Variants in ZNF407 observed in about 807,000 individuals in gnomAD.
ZNF407 encodes the protein zinc finger protein 407.
Under a neutral mutation model 131.2 loss-of-function variants are expected in ZNF407, and 17 were observed. The observed-to-expected ratio is 0.13, with a 90% CI of 0.09 to 0.19. The LOEUF is 0.19. ZNF407 is among the 10% of genes least tolerant of loss of function. The probability of loss-of-function intolerance (pLI) is 1.00; values close to 1 mark genes in which losing one functional copy is unlikely to be tolerated. For synonymous variants in ZNF407, 1,156 were observed against 1,062.0 expected (o/e 1.09, Z -1.72); for missense variants, 2,681 against 2,830.6 (o/e 0.95, Z 1.20).
chr18:74,944,880 A>G (rs180906129), intron 8 of ZNF407, among the ~76,000 whole-genome samples: 5 of 152,360 alleles, frequency 3.3e-5, no homozygotes, highest in African/African-American at 1.2e-4. Flanking sequence ...CTCAGGGCCC[A>G]GAATCATGCA....
chr18:74,616,173 C>T (rs1156609532), intron 1 of ZNF407, among the ~76,000 whole-genome samples: 5 of 152,160 alleles, frequency 3.3e-5, no homozygotes, highest in Non-Finnish European at 5.9e-5. Context: ...TTCTTTCATA[C>T]GTGACATTCT....
intron 5 of ZNF407, among the ~76,000 whole-genome samples, chr18:74,877,751 C>T (rs1021320757): frequency 2.0e-5 from 3 of 152,040 alleles, no homozygotes; most frequent in African/African-American, 4.8e-5. Flanking sequence ...CTGATATAAA[C>T]GAATTTCCAT....
intron 3 of ZNF407, among the ~76,000 whole-genome samples, chr18:74,679,959 G>A (rs142028805): frequency 5.1e-4 from 78 of 152,284 alleles, no homozygotes; most frequent in Middle Eastern, 3.4e-3. Flanking sequence ...AGATGGACCC[G>A]TTATTATGAA....
rs756393806 is a variant in ZNF407 at position 75,064,019 on chromosome 18, G to T, written c.6298G>T (p.Asp2100Tyr). Reference sequence around the variant, plus strand: ...GGCCGCGGCCGGCCAGTTGGTCAAGGACGGTGTCACCCAGGTGGTGGTGAG... The same window carrying T: ...GGCCGCGGCCGGCCAGTTGGTCAAGTACGGTGTCACCCAGGTGGTGGTGAG... Reference protein sequence around the residue: ...DTAAAGQLVKDGVTQVVVSEE... With the variant: ...DTAAAGQLVKYGVTQVVVSEE... Residue 2100 changes from aspartate to tyrosine, a missense_variant, in exon 9 of 9, where the codon GAC (aspartate) becomes TAC (tyrosine). By Grantham distance (160) the Asp-to-Tyr change is radical. This residue lies in a region of ZNF407 where 620 missense variants were observed against 583.1 expected (regional missense o/e 1.06). Transcript: ENST00000299687. 4 of 1,606,632 alleles carry T rather than the reference G, an allele frequency of 2.5e-6. No individual in the cohort carries two copies. Among genetic ancestry groups the T allele is most frequent in the East Asian group, 2.2e-5 (1 of 44,466 alleles).
At chr18:74,618,380 A>C (rs1187098859) in intron 1 of ZNF407, among the ~76,000 whole-genome samples, 2 of 151,926 alleles carry the variant, frequency 1.3e-5, no homozygotes, top group African/African-American at 2.4e-5. Flanking sequence ...CTTCCCAGTC[A>C]CCCATTCTTG....
At chr18:74,808,305 C>A (rs894884136) in intron 4 of ZNF407, among the ~76,000 whole-genome samples, 1 of 152,164 alleles carries the variant, frequency 6.6e-6, no homozygotes, top group Non-Finnish European at 1.5e-5. Flanking sequence ...TGAGCCACCA[C>A]GCCCGGCCAG....
At chr18:74,798,023 T>C (rs943830546) in intron 4 of ZNF407, among the ~76,000 whole-genome samples, 29 of 152,116 alleles carry the variant, frequency 1.9e-4, no homozygotes, top group Non-Finnish European at 5.9e-5. Context: ...TCACTAATGC[T>C]GGGGAAAGGC....
intron 4 of ZNF407, among the ~76,000 whole-genome samples, chr18:74,813,686 T>TC (rs771765129): frequency 7.2e-5 from 11 of 152,176 alleles, no homozygotes; most frequent in Non-Finnish European, 1.3e-4. Context: ...TGGCATCTGT[T>TC]CATAGCTTAG....
At chr18:74,688,094 C>T (rs994830428) in intron 3 of ZNF407, among the ~76,000 whole-genome samples, 1 of 152,088 alleles carries the variant, frequency 6.6e-6, no homozygotes, top group African/African-American at 2.4e-5. Flanking sequence ...CACTTTGTTT[C>T]TCTATGGAAT....
chr18:74,736,852 T>C (rs1968426713), intron 3 of ZNF407, among the ~76,000 whole-genome samples: 1 of 152,228 alleles, frequency 6.6e-6, no homozygotes, highest in African/African-American at 2.4e-5. Context: ...ATGGGTCCTA[T>C]TAGCTGTCAT....
intron 3 of ZNF407, among the ~76,000 whole-genome samples, chr18:74,721,854 A>G (rs1421863489): frequency 6.6e-6 from 1 of 152,040 alleles, no homozygotes; most frequent in South Asian, 2.1e-4. Context: ...GTATGTCTTT[A>G]CTTCCCCTTT....
At chr18:74,939,638 G>A (rs1443690293) in intron 8 of ZNF407, among the ~76,000 whole-genome samples, 1 of 152,194 alleles carries the variant, frequency 6.6e-6, no homozygotes, top group Non-Finnish European at 1.5e-5. Flanking sequence ...AATCTAAAAG[G>A]TTGACGGTAC....
Position 75,013,681 on chromosome 18 carries a change from G to A in ZNF407, c.5429-49469G>A, listed in dbSNP as rs540535489. On this transcript the variant is annotated intron_variant, in intron 8 of 8. Transcript: ENST00000299687. ...CAGAGTACAAAGGCAGCAAAGTTAC[G>A]TATACCACCAGCCTGCTTGTGCCCG... is the stretch of plus-strand genomic sequence containing the variant. 3.3e-5 allele frequency among the ~76,000 whole-genome samples: 5 copies of A among 152,134 alleles called. No individual in the cohort carries two copies. In the East Asian group the frequency reaches 5.8e-4, roughly 18 times the overall value.
intron 4 of ZNF407, among the ~76,000 whole-genome samples, chr18:74,800,199 T>A (rs747967904): frequency 7.9e-5 from 12 of 152,060 alleles, no homozygotes; most frequent in Non-Finnish European, 1.5e-4. Flanking sequence ...AAAGATAGAC[T>A]TACTTAAATT....
rs77148611 is a variant in ZNF407 at position 74,632,096 on chromosome 18, A to G, written c.1077A>G (p.Val359=). ...CCAGAAATACTTTGTCACAGGAAGTAGAGATTGTTGAAGAACATGTTACTT... is the reference window on the plus strand; with the variant it reads ...CCAGAAATACTTTGTCACAGGAAGTGGAGATTGTTGAAGAACATGTTACTT... ...MPSRNTLSQE[V]EIVEEHVTSL... The change falls in exon 2 of 9, where the codon GTA becomes GTG. Residue 359 remains valine, a synonymous_variant. Transcript: ENST00000299687. 0.013 allele frequency: 21,062 copies of G among 1,613,976 alleles called. 195 individuals are homozygous for G. The highest frequency in any genetic ancestry group is 0.016 in the Non-Finnish European group (18,394 of 1,179,886).
intron 2 of ZNF407, among the ~76,000 whole-genome samples, chr18:74,638,832 CTG>C (rs1410471877): frequency 6.6e-6 from 1 of 152,154 alleles, no homozygotes; most frequent in Non-Finnish European, 1.5e-5. Flanking sequence ...CTTATAAACA[CTG>C]TGCCTGCATT....
At chr18:74,807,924 G>A (rs1178754325) in intron 4 of ZNF407, among the ~76,000 whole-genome samples, 1 of 151,900 alleles carries the variant, frequency 6.6e-6, no homozygotes, top group Non-Finnish European at 1.5e-5. Flanking sequence ...ACTATGTTTA[G>A]CCTAGGCTGG....
chr18:74,671,331 T>G (rs556090568), intron 3 of ZNF407, among the ~76,000 whole-genome samples: 185 of 150,926 alleles, frequency 1.2e-3, no homozygotes, highest in African/African-American at 4.2e-3. Context: ...TTTTTTTTTG[T>G]TTTTTTTGGC....
At chr18:74,826,107 A>G (rs1487896099) in intron 4 of ZNF407, among the ~76,000 whole-genome samples, 1 of 152,160 alleles carries the variant, frequency 6.6e-6, no homozygotes, top group Non-Finnish European at 1.5e-5. Context: ...AGGTTACTTT[A>G]CTTTTGTAGA....
Sources: gnomAD v4.1 joint callset for allele counts (sites outside exome capture counted in the v4.1 genomes callset) on GRCh38, gnomAD v4.1.1 for gene constraint, gnomAD v4.1.1 regional missense constraint, MANE v1.5 for transcripts, NCBI Gene and HGNC (gene_info 2026-07-23, HGNC 2026-07-21) for gene names.